TUBGCP5: variants seen among roughly 807,000 people sequenced by gnomAD.
TUBGCP5 encodes tubulin gamma complex component 5, also known as gamma-tubulin complex component 5.
A neutral mutation model predicts 134.7 loss-of-function variants in TUBGCP5; 98 were observed. That is an observed-to-expected ratio of 0.73 (90% CI 0.62 to 0.86). The LOEUF (loss-of-function observed/expected upper bound fraction) is 0.86. TUBGCP5 is among the 40% of genes least tolerant of loss of function. The pLI is 0.00. For missense variants in TUBGCP5, 1,150 were observed against 1,244.8 expected, an observed-to-expected ratio of 0.92 and a Z score of 1.15; for synonymous variants, 456 against 431.4, an observed-to-expected ratio of 1.06 and a Z score of -0.71.
At chr15:23,011,411 A>G in intron 13 of TUBGCP5, 80 bp from the exon 14 acceptor site, 2 of 686,916 alleles carry the variant, frequency 2.9e-6, no homozygotes, top group Non-Finnish European at 4.4e-6. Flanking sequence ...TCATATTAAC[A>G]TTAACAATAT....
rs755565380 is a variant in TUBGCP5 at position 23,011,171 on chromosome 15, A to G, written c.1917T>C (p.Asp639=). The G allele has an allele frequency of 1.2e-6, 2 of 1,614,006 alleles. No homozygotes were observed. The highest frequency in any genetic ancestry group is 1.7e-6 in the Non-Finnish European group (2 of 1,180,000). ...QSIAESHLEL[D]DVHDPLLAIN... ...TGGCAAGCAGTGGATCATGAACATC[A>G]TCCAGTTCAAGATGGCTTTCAGCAA... The change falls in exon 14 of 23, where the codon GAT becomes GAC. Residue 639 remains aspartate (D), a synonymous_variant. Transcript: ENST00000615383.
At chr15:22,995,479 C>G (rs2064025192), downstream of TUBGCP5, among the ~76,000 whole-genome samples, 1 of 150,344 alleles carries the variant, frequency 6.7e-6, no homozygotes, top group African/African-American at 2.5e-5. Context: ...AAGAAACCTC[C>G]TGGGATGTGC....
At chr15:22,993,284 G>T (rs1237608512) in intron 23 of TUBGCP5, among the ~76,000 whole-genome samples, 1 of 152,000 alleles carries the variant, frequency 6.6e-6, no homozygotes, top group African/African-American at 2.4e-5. Flanking sequence ...ATTTTTAGTA[G>T]AGACAGGGTT....
intron 1 of TUBGCP5, among the ~76,000 whole-genome samples, chr15:23,037,364 C>T (rs77320491): frequency 0.038 from 5,844 of 152,194 alleles, 363 homozygotes; most frequent in African/African-American, 0.13. Context: ...CACACAGGTT[C>T]TTCCTGACCC....
chr15:23,034,560 T>C (rs1455714984), intron 3 of TUBGCP5, among the ~76,000 whole-genome samples: 1 of 152,132 alleles, frequency 6.6e-6, no homozygotes, highest in Non-Finnish European at 1.5e-5. Context: ...TGGCATGAGC[T>C]TGAAAATATA....
intron 13 of TUBGCP5, among the ~76,000 whole-genome samples, chr15:23,015,301 G>A (rs1414994680): frequency 6.6e-6 from 1 of 151,562 alleles, no homozygotes; most frequent in South Asian, 2.1e-4. Flanking sequence ...GGCCAGGCTG[G>A]TCTCAAACTC....
intron 19 of TUBGCP5, among the ~76,000 whole-genome samples, chr15:23,005,140 C>T (rs1295619807): frequency 1.3e-5 from 2 of 152,064 alleles, no homozygotes; most frequent in Non-Finnish European, 2.9e-5. Flanking sequence ...ACTATTGAAA[C>T]CTAAAGGACT....
At chr15:23,006,374 T>G (rs764102826) in intron 16 of TUBGCP5, 22 bp from the exon 17 acceptor site, 10 of 1,566,594 alleles carry the variant, frequency 6.4e-6, no homozygotes, top group Admixed American at 2.0e-5. Context: ...AATTCCAGTT[T>G]TAGTTTGTGA....
intron 23 of TUBGCP5, among the ~76,000 whole-genome samples, chr15:22,986,133 CAAA>C (rs35699215): frequency 0.13 from 14,225 of 113,794 alleles, 753 homozygotes; most frequent in Middle Eastern, 0.15. Context: ...GACTCTGTCT[CAAA>C]AAAAAAAAAA....
At chr15:23,003,936 A>T (rs2064548532) in intron 20 of TUBGCP5, among the ~76,000 whole-genome samples, 166 bp downstream of exon 20, 1 of 152,128 alleles carries the variant, frequency 6.6e-6, no homozygotes. Context: ...TACAGGCATG[A>T]GCCATTGTGG....
chr15:23,025,100 C>T (rs2065914847), intron 8 of TUBGCP5, among the ~76,000 whole-genome samples: 1 of 152,016 alleles, frequency 6.6e-6, no homozygotes, highest in African/African-American at 2.4e-5. Flanking sequence ...CGGGGTTTCA[C>T]CATGTTGCCC....
At chr15:23,000,701 G>T in intron 21 of TUBGCP5, 32 bp from the exon 22 acceptor site, 1 of 1,541,540 alleles carries the variant, frequency 6.5e-7, no homozygotes, top group Non-Finnish European at 8.9e-7. Flanking sequence ...AATTAAGTAA[G>T]TGCATTGCGG....
intron 1 of TUBGCP5, among the ~76,000 whole-genome samples, chr15:23,038,857 T>C (rs960067811): frequency 3.5e-5 from 5 of 143,426 alleles, no homozygotes; most frequent in African/African-American, 1.2e-4. Context: ...GCGTGCTACG[T>C]GCCAGGAGCT....
At chr15:22,985,797 T>C (rs2063659360) in intron 23 of TUBGCP5, among the ~76,000 whole-genome samples, 1 of 151,726 alleles carries the variant, frequency 6.6e-6, no homozygotes, top group South Asian at 2.1e-4. Context: ...ATCCTGCCAC[T>C]GCACTCCAGC....
downstream of TUBGCP5, chr15:22,996,772 G>A (rs530944393): frequency 6.6e-6 from 1 of 152,458 alleles, no homozygotes; most frequent in South Asian, 2.1e-4. Context: ...ATAGGCATGA[G>A]CCACTGCACC....
At chr15:22,998,906 C>T (rs992928610), downstream of TUBGCP5, among the ~76,000 whole-genome samples, 4 of 152,172 alleles carry the variant, frequency 2.6e-5, no homozygotes, top group East Asian at 1.9e-4. Context: ...GGTGAGCCAC[C>T]GTGCCCAGCC....
chr15:22,996,411 G>C (rs1389000014), downstream of TUBGCP5, among the ~76,000 whole-genome samples: 2 of 152,128 alleles, frequency 1.3e-5, no homozygotes, highest in African/African-American at 4.8e-5. Context: ...TTGGGAGGCT[G>C]AGGCCAGAGG....
chr15:22,989,745 T>C (rs1355288151), intron 23 of TUBGCP5, among the ~76,000 whole-genome samples: 1 of 152,156 alleles, frequency 6.6e-6, no homozygotes, highest in Non-Finnish European at 1.5e-5. Flanking sequence ...TCAGCTGCTA[T>C]ATTTGTACAA....
chr15:22,988,508 C>A (rs11263672), intron 23 of TUBGCP5, among the ~76,000 whole-genome samples: 3 of 151,282 alleles, frequency 2.0e-5, no homozygotes, highest in East Asian at 2.0e-4. Context: ...CCAAGGCGGG[C>A]GTATCACGAG....
Sources: allele counts gnomAD v4.1 joint callset (sites outside exome capture counted in the v4.1 genomes callset), GRCh38; gene constraint gnomAD v4.1.1; transcripts MANE v1.5; gene names NCBI Gene and HGNC (gene_info 2026-07-23, HGNC 2026-07-21).